The following BRIP1 variants were observed in gnomAD, a reference collection of about 807,000 sequenced individuals.
BRIP1 encodes the protein BRCA1 interacting DNA helicase 1, also known as Fanconi anemia group J protein.
A neutral mutation model predicts 119.7 loss-of-function variants in BRIP1; 88 were observed. The observed-to-expected ratio is 0.74, with a 90% CI of 0.62 to 0.88. The LOEUF is 0.88. BRIP1 is among the 40% of genes least tolerant of loss of function. The probability of loss-of-function intolerance (pLI) is 0.00; values close to 1 mark genes in which losing one functional copy is unlikely to be tolerated. For synonymous variants in BRIP1, 443 were observed against 496.5 expected (o/e 0.89, Z 1.43); for missense variants, 1,259 against 1,455.4 (o/e 0.87, Z 2.20).
Position 61,809,067 on chromosome 17 carries a change from T to C in BRIP1, c.628-310A>G, listed in dbSNP as rs970242095. 6.6e-6 allele frequency among the ~76,000 whole-genome samples: 1 copy of C among 152,308 alleles called. No individual in the cohort carries two copies. Among genetic ancestry groups the C allele is most frequent in the South Asian group, 2.1e-4 (1 of 4,830 alleles). ...TCTCCTCTTTCATAAATTATAAAAA[T>C]GATAAAACAAAGTAGGAACAATTTT... is the stretch of plus-strand genomic sequence containing the variant. On this transcript the variant is annotated intron_variant, in intron 6 of 19. Coordinates refer to ENST00000259008, the MANE Select transcript of BRIP1 (RefSeq NM_032043.3). The surrounding 1 kb of genome is among the most constrained non-coding windows in gnomAD (Gnocchi z 5.2).
intron 17 of BRIP1, among the ~76,000 whole-genome samples, chr17:61,698,337 G>T (rs1340521745): frequency 6.6e-6 from 1 of 152,058 alleles, no homozygotes; most frequent in East Asian, 1.9e-4. Context: ...ATTGTAGTCA[G>T]AAATAATACT....
At chr17:61,821,884 T>C (rs1483077744) in intron 6 of BRIP1, among the ~76,000 whole-genome samples, 3 of 152,124 alleles carry the variant, frequency 2.0e-5, no homozygotes, top group East Asian at 1.9e-4. Flanking sequence ...TATCACCACA[T>C]CAGGCCACCA....
chr17:61,731,273 C>T (rs1007988033), intron 16 of BRIP1, among the ~76,000 whole-genome samples: 1 of 152,134 alleles, frequency 6.6e-6, no homozygotes, highest in Admixed American at 6.5e-5. Flanking sequence ...TTAAGTATTA[C>T]AGCACTTTAA....
At chr17:61,712,057 C>T (rs1169220738) in intron 17 of BRIP1, among the ~76,000 whole-genome samples, 2 of 151,724 alleles carry the variant, frequency 1.3e-5, no homozygotes, top group Admixed American at 6.6e-5. Context: ...AAATCTGAAC[C>T]CACATGCCAT....
At position 61,843,090 on chromosome 17, in the gene BRIP1, T is replaced by C. The variant is rs936539760; in HGVS notation, c.627+4011A>G. ...GGATGAACCTGGAGGGAGGACATTA[T>C]GCAAAGTGAAATATGTCAGATGTAG... On this transcript the variant is annotated intron_variant, in intron 6 of 19. Coordinates refer to ENST00000259008, the MANE Select transcript of BRIP1 (RefSeq NM_032043.3). The surrounding 1 kb of genome is among the most constrained non-coding windows in gnomAD (Gnocchi z 5.7). Among the ~76,000 whole-genome samples the C allele has an allele frequency of 1.3e-5, 2 of 152,212 alleles. No individual in the cohort carries two copies. Among genetic ancestry groups the C allele is most frequent in the African/African-American group, 2.4e-5 (1 of 41,458 alleles).
At chr17:61,694,773 C>T (rs1203745338) in intron 17 of BRIP1, among the ~76,000 whole-genome samples, 2 of 151,756 alleles carry the variant, frequency 1.3e-5, no homozygotes, top group African/African-American at 2.4e-5. Flanking sequence ...CCCTAACAAC[C>T]AATGATGTTG....
chr17:61,731,539 T>C (rs1222149695), intron 16 of BRIP1, among the ~76,000 whole-genome samples: 1 of 152,228 alleles, frequency 6.6e-6, no homozygotes, highest in African/African-American at 2.4e-5. Flanking sequence ...GACTCACAAC[T>C]TCAGCTTCTT....
intron 17 of BRIP1, among the ~76,000 whole-genome samples, chr17:61,697,003 A>AAAG (rs1491195142): frequency 2.5e-4 from 30 of 121,312 alleles, no homozygotes; most frequent in Non-Finnish European, 4.6e-4. Flanking sequence ...AAAAAAAAAA[A>AAAG]GGGGGGGGGA....
In BRIP1 at chr17:61,853,379, GTCTC is replaced by G. The variant is rs201133474; in HGVS notation, c.379+3675_379+3678del. 6.7e-6 allele frequency among the ~76,000 whole-genome samples: 1 copy of G among 149,274 alleles called. No individual in the cohort carries two copies. Among genetic ancestry groups the G allele is most frequent in the Non-Finnish European group, 1.5e-5 (1 of 67,300 alleles). On this transcript the variant is annotated intron_variant, in intron 4 of 19. Transcript: ENST00000259008. The surrounding 1 kb of genome is among the most constrained non-coding windows in gnomAD (Gnocchi z 4.3). ...GGAGGGCCTCTGGGGTGTTGGTAATGTCTCTCTCTTTTTTTTTTAATCTATGTAG... is the reference window on the plus strand; with the variant it reads ...GGAGGGCCTCTGGGGTGTTGGTAATGTCTCTTTTTTTTTTAATCTATGTAG...
chr17:61,861,763 A>G lies in BRIP1; in HGVS notation c.-30-194T>C, dbSNP rs1472188196. On this transcript the variant is annotated intron_variant, in intron 1 of 19. Coordinates refer to ENST00000259008, the MANE Select transcript of BRIP1 (RefSeq NM_032043.3). The surrounding 1 kb of genome is among the most constrained non-coding windows in gnomAD (Gnocchi z 4.5). The stretch of plus-strand genomic sequence containing the variant: ...GCATGTCTTAGAGTCTAACAAATCT[A>G]GATTTGTATCCTTCACTCTGCCAGG... 1.7e-6 allele frequency: 1 copy of G among 581,770 alleles called. No individual in the cohort carries two copies. Among genetic ancestry groups the G allele is most frequent in the African/African-American group, 1.9e-5 (1 of 53,478 alleles). The allele number at this position is 581,770 out of a possible 1,614,324, so 36.0% of individuals were successfully genotyped here.
At chr17:61,697,005 G>C (rs9890620) in intron 17 of BRIP1, among the ~76,000 whole-genome samples, 5 of 114,214 alleles carry the variant, frequency 4.4e-5, no homozygotes, top group South Asian at 2.7e-4. Flanking sequence ...AAAAAAAAAG[G>C]GGGGGGGAAG....
At position 61,753,974 on chromosome 17, in the gene BRIP1, T is replaced by C. The variant is rs925700594; in HGVS notation, c.2098-9383A>G. On this transcript the variant is annotated intron_variant, in intron 14 of 19. Transcript: ENST00000259008. The surrounding 1 kb of genome is among the most constrained non-coding windows in gnomAD (Gnocchi z 4.6). ...ATCCTGCCAGCACTACTTTTAAATT[T>C]ATCTAGACTCTAAACATTTCTCACT... Among the ~76,000 whole-genome samples the C allele has an allele frequency of 2.6e-5, 4 of 152,154 alleles. No homozygotes were observed. Among genetic ancestry groups the C allele is most frequent in the Admixed American group, 6.5e-5 (1 of 15,272 alleles).
chr17:61,776,666 A>T lies in BRIP1; in HGVS notation c.1936-104T>A. 2 of 1,252,600 alleles carry T rather than the reference A, an allele frequency of 1.6e-6. No homozygotes were observed. Among genetic ancestry groups the T allele is most frequent in the Non-Finnish European group, 2.3e-6 (2 of 861,370 alleles). 77.6% of individuals were successfully genotyped at this position (1,252,600 alleles called of 1,614,324 possible). ...TAAAAGATCAAGCAACAAGTTTAACAATTTATTTTTAAATTGTCAGGGGGT... is the reference window on the plus strand; with the variant it reads ...TAAAAGATCAAGCAACAAGTTTAACTATTTATTTTTAAATTGTCAGGGGGT... On this transcript the variant is annotated intron_variant, in intron 13 of 19. Transcript: ENST00000259008. The surrounding 1 kb of genome is among the most constrained non-coding windows in gnomAD (Gnocchi z 5.0).
chr17:61,787,702 T>C (rs2049441402), intron 10 of BRIP1, among the ~76,000 whole-genome samples: 1 of 152,078 alleles, frequency 6.6e-6, no homozygotes, highest in African/African-American at 2.4e-5. Flanking sequence ...TGGACTGCAG[T>C]GGCGCGATTT....
chr17:61,683,810 A>G lies in BRIP1; in HGVS notation c.3236T>C (p.Ile1079Thr), dbSNP rs150813402. ...ATTTTTTCTAGTAAGGGTGGCATCA[A>G]TCTTTAATGATGAAATAATGGTTTC... Reference protein sequence around the residue: ...QSETIISSLKIDATLTRKNHS... With the variant: ...QSETIISSLKTDATLTRKNHS... The change falls in exon 20 of 20, where the codon ATT (isoleucine) becomes ACT (threonine). Residue 1079 changes from isoleucine (I) to threonine (T), a missense_variant. Ile to Thr is a moderately conservative substitution (Grantham distance 89). This residue lies in a region of BRIP1 where 753 missense variants were observed against 891.8 expected (regional missense o/e 0.84). Coordinates refer to ENST00000259008, the MANE Select transcript of BRIP1 (RefSeq NM_032043.3). This position sits in a 1 kb window ranked among gnomAD's most constrained non-coding sequence, Gnocchi z 4.7. The G allele has an allele frequency of 9.9e-6, 16 of 1,614,176 alleles. No individual in the cohort carries two copies. Among genetic ancestry groups the G allele is most frequent in the East Asian group, 2.2e-5 (1 of 44,882 alleles).
At chr17:61,777,151 A>G (rs7207881) in intron 13 of BRIP1, among the ~76,000 whole-genome samples, 115,227 of 152,154 alleles carry the variant, frequency 0.76, 44,013 homozygotes, top group East Asian at 0.82. Context: ...GGTGAAGGAT[A>G]TAAAGATATT....
rs572823478 is a variant in BRIP1 at position 61,760,482 on chromosome 17, G to T, written c.2098-15891C>A. Among the ~76,000 whole-genome samples, 2 of 151,574 alleles carry T rather than the reference G, an allele frequency of 1.3e-5. No homozygotes were observed. The highest frequency in any genetic ancestry group is 4.8e-5 in the African/African-American group (2 of 41,292). The stretch of plus-strand genomic sequence containing the variant: ...GTAGAGACTAGGAAAACAACACAAA[G>T]ATCAACAAAACTATGAATTGGTTTT... On this transcript the variant is annotated intron_variant, in intron 14 of 19. Coordinates refer to ENST00000259008, the MANE Select transcript of BRIP1 (RefSeq NM_032043.3). The surrounding 1 kb of genome is among the most constrained non-coding windows in gnomAD (Gnocchi z 4.6).
chr17:61,784,192 G>T (rs2145133049), intron 11 of BRIP1, 78 bp downstream of exon 11: 1 of 1,278,336 alleles, frequency 7.8e-7, no homozygotes. Flanking sequence ...ACCCAAAATA[G>T]GTATGTATTA....
chr17:61,777,362 A>G (rs552788913), intron 13 of BRIP1, among the ~76,000 whole-genome samples: 7 of 152,322 alleles, frequency 4.6e-5, no homozygotes, highest in African/African-American at 1.7e-4. Flanking sequence ...CATACCAAGC[A>G]ATCAATTCTG....
Sources: allele counts gnomAD v4.1 joint callset (sites outside exome capture counted in the v4.1 genomes callset), GRCh38; gene constraint gnomAD v4.1.1; regional missense constraint gnomAD v4.1.1; non-coding constraint Gnocchi (gnomAD v3.1); transcripts MANE v1.5; gene names NCBI Gene and HGNC (gene_info 2026-07-23, HGNC 2026-07-21).